Variants in MRPL30 observed in about 807,000 individuals in gnomAD.
MRPL30 encodes mitochondrial ribosomal protein L30, also known as large ribosomal subunit protein uL30m.
A neutral mutation model predicts 17.2 loss-of-function variants in MRPL30; 10 were observed. The observed-to-expected ratio is 0.58, with a 90% CI of 0.36 to 0.99. The LOEUF (loss-of-function observed/expected upper bound fraction) is 0.99, where lower values mean the gene tolerates loss of function less well. Among genes scored for constraint, MRPL30 ranks in the 50% least tolerant of loss-of-function variants. The probability of loss-of-function intolerance (pLI) is 0.01; values close to 1 mark genes in which losing one functional copy is unlikely to be tolerated. For synonymous variants in MRPL30, 61 were observed against 62.1 expected (o/e 0.98, Z 0.08); for missense variants, 170 against 189.8 (o/e 0.90, Z 0.61).
At chr2:99,183,092 T>G (rs1020649270) in intron 1 of MRPL30, among the ~76,000 whole-genome samples, 1 of 152,142 alleles carries the variant, frequency 6.6e-6, no homozygotes, top group Admixed American at 6.6e-5. Flanking sequence ...ATTAGCCATG[T>G]AAATATCAGG....
At chr2:99,189,133 G>A (rs1166357006) in intron 3 of MRPL30, among the ~76,000 whole-genome samples, 2 of 152,172 alleles carry the variant, frequency 1.3e-5, no homozygotes, top group African/African-American at 4.8e-5. Flanking sequence ...ATGAACCAAC[G>A]GGACACAGTA....
At chr2:99,186,690 T>G (rs1031587892) in intron 2 of MRPL30, among the ~76,000 whole-genome samples, 3 of 152,160 alleles carry the variant, frequency 2.0e-5, no homozygotes, top group African/African-American at 7.2e-5. Context: ...TCCCTAAAGA[T>G]CTAGAATCAA....
intron 3 of MRPL30, 91 bp downstream of exon 3, chr2:99,188,348 G>A (rs2093937914): frequency 1.0e-6 from 1 of 955,040 alleles, no homozygotes; most frequent in Non-Finnish European, 1.6e-6. Flanking sequence ...AAGATTTTAT[G>A]TTAAATTATA....
intron 1 of MRPL30, among the ~76,000 whole-genome samples, chr2:99,182,132 A>G (rs1418148272): frequency 6.6e-6 from 1 of 152,122 alleles, no homozygotes; most frequent in African/African-American, 2.4e-5. Context: ...ACAGACATTT[A>G]AAAAAATAGA....
intron 3 of MRPL30, among the ~76,000 whole-genome samples, chr2:99,191,770 TTAACTCTGTATCC>T (rs1367191021): frequency 1.3e-5 from 2 of 152,190 alleles, no homozygotes; most frequent in Non-Finnish European, 2.9e-5. Context: ...CTAACCTTCA[TTAACTCTGTATCC>T]CCAGCGGTAA....
chr2:99,195,284 T>C, intron 5 of MRPL30, 95 bp downstream of exon 5: 5 of 1,194,782 alleles, frequency 4.2e-6, no homozygotes, highest in Admixed American at 5.1e-5. Flanking sequence ...AAAAAAACTT[T>C]TTAAAAAACT....
intron 3 of MRPL30, among the ~76,000 whole-genome samples, chr2:99,194,204 C>T (rs934697785): frequency 5.9e-5 from 9 of 152,170 alleles, no homozygotes; most frequent in East Asian, 1.9e-4. Flanking sequence ...CATCCTTATT[C>T]GGTATATTTT....
intron 1 of MRPL30, among the ~76,000 whole-genome samples, chr2:99,183,256 A>G (rs1355690828): frequency 1.3e-5 from 2 of 152,128 alleles, no homozygotes; most frequent in Non-Finnish European, 2.9e-5. Context: ...GCTGTACTAC[A>G]AAGACATGAG....
rs150171730 is a variant in MRPL30 at position 99,186,187 on chromosome 2, G to A, written c.-17G>A. On this transcript the variant is annotated 5_prime_UTR_variant, in exon 2 of 6. Coordinates refer to ENST00000338148, the MANE Select transcript of MRPL30 (RefSeq NM_145212.4). ...TCCTACTTCCCACAGCCTCTAAAGA[G>A]AGCAATCACTACACTTATGGCTGGG... 6,055 of 1,613,282 alleles carry A rather than the reference G, an allele frequency of 3.8e-3. 45 individuals carry two copies. The highest frequency in any genetic ancestry group is 3.2e-3 in the Non-Finnish European group (3,721 of 1,179,312).
rs149039064 is a variant in MRPL30 at position 99,190,471 on chromosome 2, G to T, written c.132+2214G>T. Among the ~76,000 whole-genome samples the T allele has an allele frequency of 9.9e-5, 15 of 151,862 alleles. 2 individuals are homozygous for T. The East Asian group carries it at 2.9e-3, about 30-fold the overall frequency. ...ACTGCTCAGGAGGCTGAGATGAGAG[G>T]ATCACTTTAGCAAGAGGTCAAGGGT... On this transcript the variant is annotated intron_variant, in intron 3 of 5. Coordinates refer to ENST00000338148, the MANE Select transcript of MRPL30 (RefSeq NM_145212.4).
intron 1 of MRPL30, among the ~76,000 whole-genome samples, chr2:99,183,780 T>C: frequency 6.6e-6 from 1 of 152,226 alleles, no homozygotes; most frequent in East Asian, 1.9e-4. Context: ...TGATACGTTA[T>C]TAAAGTCCAT....
chr2:99,185,330 A>T (rs1345955714), intron 1 of MRPL30, among the ~76,000 whole-genome samples: 1 of 152,124 alleles, frequency 6.6e-6, no homozygotes, highest in Non-Finnish European at 1.5e-5. Flanking sequence ...ATAATAATAA[A>T]AGCTACTATT....
Position 99,194,783 on chromosome 2 carries a change from A to G in MRPL30, c.165A>G (p.Lys55=), listed in dbSNP as rs771546936. Residue 55 remains lysine, a synonymous_variant, in exon 4 of 6, where the codon AAA becomes AAG. Transcript: ENST00000338148. ...AGGCCTCACCTGAAGATCATGAAAA[A>G]TACGGTGGGGATCCACAGAACCCTC... is the stretch of plus-strand genomic sequence containing the variant. ...VFQASPEDHE[K]YGGDPQNPHK... The G allele has an allele frequency of 2.9e-5, 46 of 1,594,940 alleles. No individual in the cohort carries two copies. Among genetic ancestry groups the G allele is most frequent in the Middle Eastern group, 1.7e-4 (1 of 6,028 alleles).
rs186536814 is a variant in MRPL30 at position 99,195,852 on chromosome 2, C to T, written c.*147C>T. The T allele has an allele frequency of 3.9e-3, 4,477 of 1,146,178 alleles. 15 individuals carry two copies. The highest frequency in any genetic ancestry group is 4.8e-3 in the Non-Finnish European group (4,025 of 832,806). 71.0% of individuals were successfully genotyped at this position (1,146,178 alleles called of 1,614,324 possible). ...ATCCCAGCACTTTGGGAGGCCAAGGCGGGCAGATCACCTGAGGTCAAGAGT... is the reference window on the plus strand; with the variant it reads ...ATCCCAGCACTTTGGGAGGCCAAGGTGGGCAGATCACCTGAGGTCAAGAGT... On this transcript the variant is annotated 3_prime_UTR_variant, in exon 6 of 6. Coordinates refer to ENST00000338148, the MANE Select transcript of MRPL30 (RefSeq NM_145212.4).
At chr2:99,191,256 T>C (rs919608414) in intron 3 of MRPL30, among the ~76,000 whole-genome samples, 1 of 152,092 alleles carries the variant, frequency 6.6e-6, no homozygotes, top group Non-Finnish European at 1.5e-5. Flanking sequence ...CCACCCCCCT[T>C]GGCCTCCCAA....
At position 99,195,163 on chromosome 2, in the gene MRPL30, A is replaced by G; in HGVS notation, c.327A>G (p.Lys109=). 3.7e-6 allele frequency: 6 copies of G among 1,608,582 alleles called. No homozygotes were observed. Among genetic ancestry groups the G allele is most frequent in the Non-Finnish European group, 5.1e-6 (6 of 1,178,054 alleles). The part of the protein sequence containing the change: ...VHKNIPSVNA[K]LKVVKHLIRI... ...AGAATATCCCTTCAGTGAATGCAAAATTGAAAGTAGTTAAGCATTTGATAA... is the reference window on the plus strand; with the variant it reads ...AGAATATCCCTTCAGTGAATGCAAAGTTGAAAGTAGTTAAGCATTTGATAA... The change falls in exon 5 of 6, where the codon AAA becomes AAG. Residue 109 remains lysine, a synonymous_variant. Coordinates refer to ENST00000338148, the MANE Select transcript of MRPL30 (RefSeq NM_145212.4).
chr2:99,189,740 G>C (rs2093941211), intron 3 of MRPL30, among the ~76,000 whole-genome samples: 1 of 151,938 alleles, frequency 6.6e-6, no homozygotes, highest in Admixed American at 6.6e-5. Context: ...TTGGGTGGGG[G>C]GTTCCTAATA....
At chr2:99,186,313 C>G (rs1160226318) in intron 2 of MRPL30, 59 bp downstream of exon 2, 1 of 1,445,066 alleles carries the variant, frequency 6.9e-7, no homozygotes, top group African/African-American at 1.4e-5. Context: ...TTTTTTTAAT[C>G]ATTACAAGGC....
At chr2:99,193,211 A>G (rs570599050) in intron 3 of MRPL30, among the ~76,000 whole-genome samples, 2 of 152,246 alleles carry the variant, frequency 1.3e-5, no homozygotes, top group Non-Finnish European at 2.9e-5. Flanking sequence ...TGGCCAAGAA[A>G]CATATGAAAA....
Sources: gnomAD v4.1 joint callset for allele counts (sites outside exome capture counted in the v4.1 genomes callset) on GRCh38, gnomAD v4.1.1 for gene constraint, MANE v1.5 for transcripts, NCBI Gene and HGNC (gene_info 2026-07-23, HGNC 2026-07-21) for gene names.